The following GRM5 variants were observed in gnomAD, a reference collection of about 807,000 sequenced individuals.
The protein encoded by GRM5 is glutamate metabotropic receptor 5.
Under a neutral mutation model 83.1 loss-of-function variants are expected in GRM5, and 19 were observed. The observed-to-expected ratio is 0.23, with a 90% CI of 0.16 to 0.34. The LOEUF (loss-of-function observed/expected upper bound fraction) is 0.34, where lower values mean the gene tolerates loss of function less well. Among genes scored for constraint, GRM5 ranks in the 10% least tolerant of loss-of-function variants. GRM5 has a pLI of 1.00. For missense variants in GRM5, 1,160 were observed against 1,588.3 expected (o/e 0.73, Z 4.58); for synonymous variants, 675 against 633.6 (o/e 1.07, Z -0.98).
At chr11:88,566,455 T>C (rs144538568) in intron 8 of GRM5, among the ~76,000 whole-genome samples, 2 of 152,350 alleles carry the variant, frequency 1.3e-5, no homozygotes, top group Non-Finnish European at 2.9e-5. Flanking sequence ...GTTGTTTTTA[T>C]GTGCAAAGTC....
intron 2 of GRM5, among the ~76,000 whole-genome samples, chr11:89,002,365 TTAGA>T (rs1234967025): frequency 6.6e-6 from 1 of 152,070 alleles, no homozygotes; most frequent in Admixed American, 6.6e-5. Flanking sequence ...TTCAAGAACA[TTAGA>T]TAAAGTGCAC....
chr11:88,549,992 A>T (rs931313644), intron 8 of GRM5, among the ~76,000 whole-genome samples: 17 of 152,238 alleles, frequency 1.1e-4, no homozygotes, highest in African/African-American at 3.6e-4. Context: ...AAAATGCAAA[A>T]GATAAGGTAA....
chr11:88,941,958 A>T (rs1938129207), intron 2 of GRM5, among the ~76,000 whole-genome samples: 1 of 152,066 alleles, frequency 6.6e-6, no homozygotes. Flanking sequence ...ACACAAAAAA[A>T]TTCACATGAG....
chr11:88,631,145 CAT>C (rs1554984439), intron 4 of GRM5, among the ~76,000 whole-genome samples: 1 of 152,066 alleles, frequency 6.6e-6, no homozygotes, highest in Non-Finnish European at 1.5e-5. Context: ...TGGGCAAACT[CAT>C]ATATAGCATC....
At chr11:88,607,188 T>C (rs926999271) in intron 4 of GRM5, among the ~76,000 whole-genome samples, 1 of 152,208 alleles carries the variant, frequency 6.6e-6, no homozygotes, top group African/African-American at 2.4e-5. Context: ...GGCTACACTC[T>C]AGGCAAATCT....
chr11:88,522,626 T>G (rs1488563248), intron 9 of GRM5, among the ~76,000 whole-genome samples: 4 of 151,514 alleles, frequency 2.6e-5, no homozygotes, highest in Admixed American at 1.3e-4. Context: ...TGTGTGTGTG[T>G]GTGTGTGTGT....
At chr11:88,834,249 T>C (rs1043287669) in intron 3 of GRM5, among the ~76,000 whole-genome samples, 3 of 152,140 alleles carry the variant, frequency 2.0e-5, no homozygotes, top group Admixed American at 2.0e-4. Context: ...TGTACAAATA[T>C]GTATCCATGA....
At chr11:88,896,279 C>T (rs970682670) in intron 2 of GRM5, among the ~76,000 whole-genome samples, 11 of 151,692 alleles carry the variant, frequency 7.3e-5, no homozygotes, top group Admixed American at 2.6e-4. Flanking sequence ...GCATTTCAAA[C>T]TTTCCTGAAC....
chr11:88,906,824 A>G (rs1381391980), intron 2 of GRM5, among the ~76,000 whole-genome samples: 1 of 152,228 alleles, frequency 6.6e-6, no homozygotes, highest in African/African-American at 2.4e-5. Flanking sequence ...TATATGAATT[A>G]AAACATAATG....
chr11:88,639,921 A>G (rs1045514676), intron 4 of GRM5, among the ~76,000 whole-genome samples: 2 of 152,160 alleles, frequency 1.3e-5, no homozygotes, highest in South Asian at 2.1e-4. Context: ...TTGACAGTGG[A>G]TATTCATCAT....
intron 2 of GRM5, among the ~76,000 whole-genome samples, chr11:89,035,610 C>T (rs551421452): frequency 6.6e-6 from 1 of 151,946 alleles, no homozygotes; most frequent in East Asian, 1.9e-4. Flanking sequence ...ATCTACTTTT[C>T]ATTGCAGCTA....
chr11:88,959,232 G>T (rs1228332749), intron 2 of GRM5, among the ~76,000 whole-genome samples: 2 of 151,924 alleles, frequency 1.3e-5, no homozygotes, highest in Non-Finnish European at 2.9e-5. Context: ...TTTAGTAACT[G>T]AAAATACAAA....
At chr11:88,685,765 T>C (rs1038078796) in intron 3 of GRM5, among the ~76,000 whole-genome samples, 1 of 152,214 alleles carries the variant, frequency 6.6e-6, no homozygotes, top group African/African-American at 2.4e-5. Flanking sequence ...CCCCCAAGTC[T>C]TGGCAGCTTC....
chr11:88,837,731 G>A, intron 3 of GRM5, among the ~76,000 whole-genome samples: 1 of 152,116 alleles, frequency 6.6e-6, no homozygotes, highest in South Asian at 2.1e-4. Context: ...CACCTCCCAC[G>A]TCAACTGGTA....
intron 2 of GRM5, among the ~76,000 whole-genome samples, chr11:88,884,915 G>A (rs931328139): frequency 1.2e-4 from 19 of 152,020 alleles, no homozygotes; most frequent in African/African-American, 4.6e-4. Context: ...AAATTACCCA[G>A]TCTTGGATAT....
intron 2 of GRM5, among the ~76,000 whole-genome samples, chr11:88,899,692 A>C (rs1057037954): frequency 4.6e-5 from 7 of 151,990 alleles, no homozygotes; most frequent in African/African-American, 1.7e-4. Context: ...TATCCTGAAA[A>C]AAAAATCTGA....
chr11:88,511,019 C>A (rs1002271977), intron 9 of GRM5, among the ~76,000 whole-genome samples: 1 of 152,178 alleles, frequency 6.6e-6, no homozygotes, highest in Non-Finnish European at 1.5e-5. Flanking sequence ...AAACTAAATT[C>A]TGTGTAAGAC....
At chr11:88,695,958 G>A (rs747299913) in intron 3 of GRM5, among the ~76,000 whole-genome samples, 2 of 152,160 alleles carry the variant, frequency 1.3e-5, no homozygotes, top group African/African-American at 2.4e-5. Flanking sequence ...CTCTTCAGGC[G>A]ACTTGTGTGA....
At chr11:88,511,512 T>C (rs752890835) in intron 9 of GRM5, among the ~76,000 whole-genome samples, 1 of 152,238 alleles carries the variant, frequency 6.6e-6, no homozygotes, top group Non-Finnish European at 1.5e-5. Flanking sequence ...TTCCATGTAA[T>C]CTACCCAATA....
Sources: allele counts gnomAD v4.1 joint callset (sites outside exome capture counted in the v4.1 genomes callset), GRCh38; gene constraint gnomAD v4.1.1; transcripts MANE v1.5; gene names NCBI Gene and HGNC (gene_info 2026-07-23, HGNC 2026-07-21).